DPCD: variants seen among roughly 807,000 people sequenced by gnomAD.
DPCD encodes deleted in primary ciliary dyskinesia homolog (mouse).
A neutral mutation model predicts 26.4 loss-of-function variants in DPCD; 20 were observed. The ratio of observed to expected loss-of-function variants is 0.76; its 90% CI spans 0.53 to 1.10. The LOEUF (loss-of-function observed/expected upper bound fraction) is 1.10, where lower values mean the gene tolerates loss of function less well. Among genes scored for constraint, DPCD ranks in the 50% least tolerant of loss-of-function variants. The pLI, the probability that DPCD is intolerant of heterozygous loss-of-function variation, is 0.00. For synonymous variants in DPCD, 97 were observed against 94.2 expected, an observed-to-expected ratio of 1.03 and a Z score of -0.17; for missense variants, 202 against 253.9, an observed-to-expected ratio of 0.80 and a Z score of 1.39.
chr10:101,588,637 C>T (rs908556443), intron 1 of DPCD: 28 of 1,352,012 alleles, frequency 2.1e-5, no homozygotes, highest in Non-Finnish European at 2.4e-5. Context: ...ATTTCTGTTG[C>T]TAATATAGTA....
chr10:101,603,550 G>A lies in DPCD; in HGVS notation c.404+2214G>A, dbSNP rs2063713790. 1.3e-5 allele frequency among the ~76,000 whole-genome samples: 2 copies of A among 151,998 alleles called. No homozygotes were observed. The highest frequency in any genetic ancestry group is 1.5e-5 in the Non-Finnish European group (1 of 67,992). ...AGGCAGGTGGATCATCTGAGGTCAG[G>A]AGTTTGAGACCAGCCTGGCCAACAT... On this transcript the variant is annotated intron_variant, in intron 4 of 5. Coordinates refer to ENST00000370151, the MANE Select transcript of DPCD (RefSeq NM_015448.3). The surrounding 1 kb of genome is among the most constrained non-coding windows in gnomAD (Gnocchi z 4.6).
At chr10:101,594,812 C>T (rs560346307) in intron 2 of DPCD, 74 bp downstream of exon 2, 20 of 1,424,402 alleles carry the variant, frequency 1.4e-5, no homozygotes, top group Non-Finnish European at 2.0e-5. Context: ...CACTCCTAGC[C>T]TTAGGCTTGA....
chr10:101,603,941 G>A lies in DPCD; in HGVS notation c.404+2605G>A, dbSNP rs572476510. 6.0e-4 allele frequency among the ~76,000 whole-genome samples: 92 copies of A among 152,248 alleles called. No homozygotes were observed. The highest frequency in any genetic ancestry group is 9.7e-4 in the Non-Finnish European group (66 of 68,022). On this transcript the variant is annotated intron_variant, in intron 4 of 5. Coordinates refer to ENST00000370151, the MANE Select transcript of DPCD (RefSeq NM_015448.3). The surrounding 1 kb of genome is among the most constrained non-coding windows in gnomAD (Gnocchi z 4.6). ...CCAAGTTTAAACAATTTTTTATAGC[G>A]TTGAGGGTCTCTCCATTTTGCCCAA...
intron 4 of DPCD, 117 bp from the exon 5 acceptor site, chr10:101,608,718 C>T: frequency 1.4e-6 from 1 of 689,672 alleles, no homozygotes. Flanking sequence ...CCTTCTCCCT[C>T]TCTGCGTGTG....
intron 1 of DPCD, among the ~76,000 whole-genome samples, chr10:101,593,181 GACCCCCTC>G (rs1419079358): frequency 2.0e-5 from 3 of 152,172 alleles, no homozygotes; most frequent in African/African-American, 7.2e-5. Flanking sequence ...GGTCAGGCAA[GACCCCCTC>G]AGCTCCTCCC....
At chr10:101,599,007 G>A (rs904940747) in intron 2 of DPCD, among the ~76,000 whole-genome samples, 2 of 152,150 alleles carry the variant, frequency 1.3e-5, no homozygotes, top group African/African-American at 4.8e-5. Context: ...GGAGTCTAAG[G>A]GTGCTTGTTT....
At chr10:101,609,323 G>A in intron 5 of DPCD, 44 bp from the exon 6 acceptor site, 2 of 1,595,542 alleles carry the variant, frequency 1.3e-6, no homozygotes, top group Non-Finnish European at 1.7e-6. Flanking sequence ...GAAGGAGATG[G>A]GACAGTGACT....
At chr10:101,589,015 G>A (rs2063542088) in intron 1 of DPCD, among the ~76,000 whole-genome samples, 1 of 152,236 alleles carries the variant, frequency 6.6e-6, no homozygotes, top group Non-Finnish European at 1.5e-5. Flanking sequence ...CAGGGGCATG[G>A]ATACCTAACT....
chr10:101,609,146 T>C, intron 5 of DPCD: 2 of 640,880 alleles, frequency 3.1e-6, no homozygotes, highest in Non-Finnish European at 2.7e-6. Context: ...TAGAAGAGGG[T>C]AGAGGGTGAA....
At chr10:101,588,558 G>C (rs1286177134) in intron 1 of DPCD, 158 bp downstream of exon 1, 1 of 1,450,324 alleles carries the variant, frequency 6.9e-7, no homozygotes. Context: ...GGTTCACAGA[G>C]ATGACATGAC....
At chr10:101,606,834 G>A (rs1383591649) in intron 4 of DPCD, among the ~76,000 whole-genome samples, 1 of 152,066 alleles carries the variant, frequency 6.6e-6, no homozygotes, top group Non-Finnish European at 1.5e-5. Flanking sequence ...GTGTGAGAAG[G>A]GGGTGGGCTT....
chr10:101,601,961 A>G (rs1393030738), intron 4 of DPCD, among the ~76,000 whole-genome samples: 3 of 152,196 alleles, frequency 2.0e-5, no homozygotes, highest in African/African-American at 4.8e-5. Context: ...GCAGGGGTTG[A>G]AAGGACAGAA....
chr10:101,607,168 G>A (rs1278940187), intron 4 of DPCD, among the ~76,000 whole-genome samples: 1 of 152,192 alleles, frequency 6.6e-6, no homozygotes, highest in Non-Finnish European at 1.5e-5. Context: ...TGCTTTTTGT[G>A]TATATTTGCA....
In DPCD at chr10:101,600,774, T is replaced by C; in HGVS notation, c.182T>C (p.Met61Thr). The change falls in exon 3 of 6, where the codon ATG becomes ACG. Residue 61 changes from methionine (M) to threonine (T), a missense_variant. By Grantham distance (81) the Met-to-Thr change is moderately conservative (BLOSUM62 -1). Around this residue, in one of 3 missense-constraint regions of DPCD, gnomAD observed 37 missense variants for 76.0 expected, o/e 0.49. Coordinates refer to ENST00000370151, the MANE Select transcript of DPCD (RefSeq NM_015448.3). The surrounding 1 kb of genome is among the most constrained non-coding windows in gnomAD (Gnocchi z 4.7). Reference protein sequence around the residue: ...KWRVKSALGAMGQWQLEVGDP... With the variant: ...KWRVKSALGATGQWQLEVGDP... ...CGTGTGAAAAGTGCCCTGGGAGCCA[T>C]GGGCCAGTGGCAGCTTGAAGTAGGA... The C allele has an allele frequency of 1.2e-6, 2 of 1,613,828 alleles. No homozygotes were observed. The highest frequency in any genetic ancestry group is 1.7e-5 in the Admixed American group (1 of 59,930).
chr10:101,588,651 T>A (rs2063529099), intron 1 of DPCD: 8 of 1,321,618 alleles, frequency 6.1e-6, no homozygotes, highest in Non-Finnish European at 7.7e-6. Flanking sequence ...TATAGTAATT[T>A]CTTTTACATT....
At chr10:101,601,938 G>C (rs554047587) in intron 4 of DPCD, among the ~76,000 whole-genome samples, 1 of 152,318 alleles carries the variant, frequency 6.6e-6, no homozygotes, top group Non-Finnish European at 1.5e-5. Context: ...GTCCCCTAGA[G>C]GGGAGGCAAA....
intron 4 of DPCD, among the ~76,000 whole-genome samples, chr10:101,602,914 A>G (rs1028817087): frequency 7.9e-5 from 12 of 152,260 alleles, no homozygotes; most frequent in African/African-American, 2.9e-4. Flanking sequence ...CAAAAAATTC[A>G]TCTGCCAGCA....
rs140181109 is a variant in DPCD at position 101,595,591 on chromosome 10, T to G, written c.145+853T>G. 1.1e-3 allele frequency among the ~76,000 whole-genome samples: 174 copies of G among 152,356 alleles called. 3 individuals carry two copies. The highest frequency in any genetic ancestry group is 3.6e-3 in the African/African-American group (151 of 41,590). ...TATTGGTGAGGGAATTTCTTTTTCC[T>G]TTTTTCTGACAGCTCATAAATGTCT... On this transcript the variant is annotated intron_variant, in intron 2 of 5. Coordinates refer to ENST00000370151, the MANE Select transcript of DPCD (RefSeq NM_015448.3).
At chr10:101,588,568 C>G in intron 1 of DPCD, 168 bp downstream of exon 1, 2 of 1,440,608 alleles carry the variant, frequency 1.4e-6, no homozygotes, top group Non-Finnish European at 1.8e-6. Flanking sequence ...GATGACATGA[C>G]TGGAACACAT....
Sources: gnomAD v4.1 joint callset for allele counts (sites outside exome capture counted in the v4.1 genomes callset) on GRCh38, gnomAD v4.1.1 for gene constraint, gnomAD v4.1.1 regional missense constraint, Gnocchi (gnomAD v3.1) non-coding constraint, MANE v1.5 for transcripts, NCBI Gene and HGNC (gene_info 2026-07-23, HGNC 2026-07-21) for gene names.